The following ALPK1 variants were observed in gnomAD, a reference collection of about 807,000 sequenced individuals.
The protein encoded by ALPK1 is alpha kinase 1, also known as alpha-protein kinase 1.
A neutral mutation model predicts 120.6 loss-of-function variants in ALPK1; 110 were observed. The observed-to-expected ratio is 0.91, with a 90% CI of 0.78 to 1.07. The LOEUF is 1.07. Among genes scored for constraint, ALPK1 ranks in the 50% least tolerant of loss-of-function variants. The pLI is 0.00. For missense variants in ALPK1, 1,498 were observed against 1,483.9 expected (o/e 1.01, Z -0.16); for synonymous variants, 582 against 560.3 (o/e 1.04, Z -0.55).
At chr4:112,309,213 G>T (rs1452430011) in intron 1 of ALPK1, among the ~76,000 whole-genome samples, 1 of 152,122 alleles carries the variant, frequency 6.6e-6, no homozygotes, top group African/African-American at 2.4e-5. Context: ...ACTTGAGGAG[G>T]CAGTCTGTCT....
chr4:112,337,544 A>T (rs62316080), intron 2 of ALPK1, among the ~76,000 whole-genome samples: 2 of 152,128 alleles, frequency 1.3e-5, no homozygotes, highest in South Asian at 2.1e-4. Flanking sequence ...AAAAAATTTT[A>T]AAAATAAAAA....
chr4:112,372,216 T>C (rs1001855030), intron 2 of ALPK1, among the ~76,000 whole-genome samples: 30 of 152,074 alleles, frequency 2.0e-4, no homozygotes, highest in African/African-American at 6.5e-4. Flanking sequence ...TCTTCCTTTT[T>C]TTTTTTTTTT....
At chr4:112,357,160 AG>A in intron 2 of ALPK1, 1 of 1,500,636 alleles carries the variant, frequency 6.7e-7, no homozygotes, top group Non-Finnish European at 9.2e-7. Flanking sequence ...TCACCAAGCC[AG>A]GGAGCTACAT....
chr4:112,381,023 G>A (rs1043729080), intron 3 of ALPK1, among the ~76,000 whole-genome samples: 4 of 152,190 alleles, frequency 2.6e-5, no homozygotes, highest in Admixed American at 6.5e-5. Context: ...AGGCACTGGG[G>A]GAAGTCAATC....
intron 6 of ALPK1, 79 bp downstream of exon 6, chr4:112,424,082 T>A: frequency 7.6e-7 from 1 of 1,321,346 alleles, no homozygotes; most frequent in Non-Finnish European, 1.1e-6. Flanking sequence ...CTTAGTGACT[T>A]AATAGTTACT....
intron 2 of ALPK1, chr4:112,358,675 C>T: frequency 2.4e-5 from 17 of 721,542 alleles, no homozygotes; most frequent in South Asian, 2.3e-4. Context: ...CTGTCTCTCC[C>T]ATCTAAGAGG....
chr4:112,429,435 A>G (rs1734427225), intron 10 of ALPK1, among the ~76,000 whole-genome samples, 182 bp downstream of exon 10: 1 of 152,232 alleles, frequency 6.6e-6, no homozygotes, highest in Admixed American at 6.5e-5. Context: ...TTGACAGCCT[A>G]CTAGGAGCTA....
At position 112,377,717 on chromosome 4, in the gene ALPK1, T is replaced by C; in HGVS notation, c.-61T>C. ...AAGGGGCTCCTTTATTGAGAATCAATGTCTTCTCCTAGGTAATTGATCACC... is the reference window on the plus strand; with the variant it reads ...AAGGGGCTCCTTTATTGAGAATCAACGTCTTCTCCTAGGTAATTGATCACC... On this transcript the variant is annotated 5_prime_UTR_variant, in exon 3 of 16. The change abolishes an upstream ATG in the 5' untranslated region. Transcript: ENST00000650871. 9.7e-6 allele frequency: 14 copies of C among 1,437,930 alleles called. No individual in the cohort carries two copies. The highest frequency in any genetic ancestry group is 1.6e-5 in the South Asian group (1 of 61,246). The allele number at this position is 1,437,930 out of a possible 1,614,324, so 89.1% of individuals were successfully genotyped here.
At chr4:112,386,615 G>A (rs1247928970) in intron 4 of ALPK1, among the ~76,000 whole-genome samples, 1 of 152,026 alleles carries the variant, frequency 6.6e-6, no homozygotes, top group East Asian at 1.9e-4. Context: ...CAAGTCCATG[G>A]GTTACCATCA....
At position 112,382,560 on chromosome 4, in the gene ALPK1, G is replaced by A; in HGVS notation, c.276+8G>A. On this transcript the variant is annotated splice_region_variant and intron_variant, in intron 4 of 15. Transcript: ENST00000650871. ...GGGTTGCAGCAGTTACTGGTAGGAA[G>A]AGCCACACCACCTGTTCCTCTGATA... 6.2e-7 allele frequency: 1 copy of A among 1,614,136 alleles called. No individual in the cohort carries two copies. The highest frequency in any genetic ancestry group is 8.5e-7 in the Non-Finnish European group (1 of 1,179,998).
At chr4:112,340,825 A>G (rs1439419998) in intron 2 of ALPK1, among the ~76,000 whole-genome samples, 1 of 152,218 alleles carries the variant, frequency 6.6e-6, no homozygotes, top group Admixed American at 6.5e-5. Context: ...CTTAGTTAAG[A>G]TATCAAAGTT....
At chr4:112,414,481 G>A (rs1032293536) in intron 5 of ALPK1, 10 of 335,198 alleles carry the variant, frequency 3.0e-5, no homozygotes, top group Non-Finnish European at 4.9e-5. Context: ...GGTGGCAGCC[G>A]CCTGTAATCC....
intron 2 of ALPK1, among the ~76,000 whole-genome samples, chr4:112,339,955 G>T (rs112647391): frequency 6.6e-6 from 1 of 152,204 alleles, no homozygotes; most frequent in Non-Finnish European, 1.5e-5. Context: ...TTAGGAAAAA[G>T]TGAAATCAGC....
rs1365435596 is a variant in ALPK1, at chr4:112,435,171, A to G, written c.3058A>G (p.Lys1020Glu). The change falls in exon 12 of 16, where the codon AAA (lysine) becomes GAA (glutamate). Residue 1020 changes from lysine to glutamate, a missense_variant. Physicochemically the swap from Lys to Glu is moderately conservative, Grantham distance 56 (BLOSUM62 1). Coordinates refer to ENST00000650871, the MANE Select transcript of ALPK1 (RefSeq NM_025144.4). ...AGGTGCTCTTTTGTTAAAATATTCAAAAAAATCTGAACTGTGGACGGCCCA... is the reference window on the plus strand; with the variant it reads ...AGGTGCTCTTTTGTTAAAATATTCAGAAAAATCTGAACTGTGGACGGCCCA... ...AHSALLLKYS[K>E]KSELWTAQET... 4 of 1,602,766 alleles carry G rather than the reference A, an allele frequency of 2.5e-6. No individual in the cohort carries two copies. The highest frequency in any genetic ancestry group is 1.1e-5 in the South Asian group (1 of 87,812).
intron 3 of ALPK1, among the ~76,000 whole-genome samples, chr4:112,379,122 C>G (rs142732493): frequency 6.6e-6 from 1 of 152,350 alleles, no homozygotes; most frequent in East Asian, 1.9e-4. Context: ...TTTTCTCTCC[C>G]TTTTACTACA....
intron 14 of ALPK1, 28 bp downstream of exon 14, chr4:112,439,900 T>G (rs1378228526): frequency 1.3e-6 from 2 of 1,526,670 alleles, no homozygotes; most frequent in Non-Finnish European, 1.8e-6. Context: ...TTATTTTTAT[T>G]TTTAATATTA....
rs752522727 is a variant in ALPK1, at chr4:112,431,109, C to T, written c.1562C>T (p.Ser521Phe). 48 of 1,614,058 alleles carry T rather than the reference C, an allele frequency of 3.0e-5. No individual in the cohort carries two copies. Among genetic ancestry groups the T allele is most frequent in the Non-Finnish European group, 3.9e-5 (46 of 1,180,060 alleles). The change falls in exon 11 of 16, where the codon TCC (serine) becomes TTC (phenylalanine). Residue 521 changes from serine to phenylalanine, a missense_variant. Physicochemically the swap from Ser to Phe is radical, Grantham distance 155. Coordinates refer to ENST00000650871, the MANE Select transcript of ALPK1 (RefSeq NM_025144.4). Reference protein sequence around the residue: ...HCQRDTGISSSLMGKNVQREL... With the variant: ...HCQRDTGISSFLMGKNVQREL... ...CAAAGAGACACAGGAATATCTTCCTCCCTAATGGGTAAGAATGTTCAGAGG... is the reference window on the plus strand; with the variant it reads ...CAAAGAGACACAGGAATATCTTCCTTCCTAATGGGTAAGAATGTTCAGAGG...
At chr4:112,356,760 T>C in intron 2 of ALPK1, 1 of 772,790 alleles carries the variant, frequency 1.3e-6, no homozygotes, top group Admixed American at 1.7e-5. Flanking sequence ...CCTTATTACC[T>C]GTCCCGGAAC....
chr4:112,413,098 C>T (rs1733563426), intron 5 of ALPK1, among the ~76,000 whole-genome samples: 4 of 152,186 alleles, frequency 2.6e-5, no homozygotes, highest in Admixed American at 2.6e-4. Flanking sequence ...AAAATTTCTT[C>T]TTTAAAATGT....
Sources: gnomAD v4.1 joint callset for allele counts (sites outside exome capture counted in the v4.1 genomes callset) on GRCh38, gnomAD v4.1.1 for gene constraint, MANE v1.5 for transcripts, NCBI Gene and HGNC (gene_info 2026-07-23, HGNC 2026-07-21) for gene names.